The following ROCK2 variants were observed in gnomAD, a reference collection of about 807,000 sequenced individuals.
ROCK2 encodes rho-associated protein kinase 2.
ROCK2 carries 61 observed loss-of-function variants against 195.1 expected under a neutral mutation model. The observed-to-expected ratio is 0.31, with a 90% CI of 0.25 to 0.39. The LOEUF is 0.39. Ranked by LOEUF, ROCK2 falls within the 10% of genes least tolerant of loss-of-function variation. The probability of loss-of-function intolerance (pLI) is 1.00; values close to 1 mark genes in which losing one functional copy is unlikely to be tolerated. For synonymous variants in ROCK2, 504 were observed against 545.5 expected, an observed-to-expected ratio of 0.92 and a Z score of 1.06; for missense variants, 1,109 against 1,637.4, an observed-to-expected ratio of 0.68 and a Z score of 5.57.
chr2:11,297,128 T>A (rs1667559384), intron 1 of ROCK2, among the ~76,000 whole-genome samples: 1 of 152,126 alleles, frequency 6.6e-6, no homozygotes, highest in Non-Finnish European at 1.5e-5. Context: ...AAAGTTATAT[T>A]AACCAATCAT....
At chr2:11,317,593 TATATATATA>T (rs1227026153) in intron 1 of ROCK2, among the ~76,000 whole-genome samples, 4 of 14,502 alleles carry the variant, frequency 2.8e-4, no homozygotes, top group East Asian at 0.011. Context: ...TATATATATA[TATATATATA>T]TATATATATA....
intron 1 of ROCK2, among the ~76,000 whole-genome samples, chr2:11,325,737 T>C (rs1379398036): frequency 1.3e-5 from 2 of 152,198 alleles, no homozygotes; most frequent in Admixed American, 6.5e-5. Context: ...ATTTCATAAT[T>C]AGTCTGGCTG....
At chr2:11,333,720 T>C (rs1375335025) in intron 1 of ROCK2, among the ~76,000 whole-genome samples, 1 of 152,176 alleles carries the variant, frequency 6.6e-6, no homozygotes, top group Non-Finnish European at 1.5e-5. Context: ...TTACTATTAA[T>C]AACAGCCAAT....
At chr2:11,276,491 A>C (rs1308927620) in intron 3 of ROCK2, among the ~76,000 whole-genome samples, 2 of 152,232 alleles carry the variant, frequency 1.3e-5, no homozygotes, top group Non-Finnish European at 2.9e-5. Context: ...AAAAACTACA[A>C]AACACTGCTA....
At chr2:11,345,027 C>G (rs1669257549), upstream of ROCK2, among the ~76,000 whole-genome samples, 1 of 151,482 alleles carries the variant, frequency 6.6e-6, no homozygotes, top group Non-Finnish European at 1.5e-5. Context: ...GGAGCCCGGC[C>G]GCGCCCCCCG....
intron 1 of ROCK2, chr2:11,308,584 T>C (rs776807297): frequency 1.6e-4 from 243 of 1,495,792 alleles, no homozygotes; most frequent in Non-Finnish European, 2.2e-4. Flanking sequence ...TCAATCCCTA[T>C]ATTACAGTTA....
chr2:11,255,911 A>C (rs1277811707), intron 3 of ROCK2, among the ~76,000 whole-genome samples: 1 of 129,726 alleles, frequency 7.7e-6, no homozygotes, highest in African/African-American at 3.1e-5. Context: ...TCTGGATGAG[A>C]GAGTATGACT....
chr2:11,335,108 TACACACACACAC>T (rs59721285), intron 1 of ROCK2, among the ~76,000 whole-genome samples: 26 of 145,126 alleles, frequency 1.8e-4, no homozygotes, highest in Non-Finnish European at 2.4e-4. Context: ...CTTTGACTGA[TACACACACACAC>T]ACACACACAC....
intron 3 of ROCK2, among the ~76,000 whole-genome samples, chr2:11,261,684 G>C (rs1285328587): frequency 6.6e-6 from 1 of 152,118 alleles, no homozygotes; most frequent in Non-Finnish European, 1.5e-5. Context: ...GGGCGTGGTG[G>C]CAGGCACCTG....
chr2:11,185,629 T>C (rs970907586), intron 32 of ROCK2, among the ~76,000 whole-genome samples: 2 of 152,260 alleles, frequency 1.3e-5, no homozygotes, highest in South Asian at 4.1e-4. Context: ...CTCAGGAGGC[T>C]GAGGCAGGAG....
chr2:11,258,581 G>A (rs1447709275), intron 3 of ROCK2, among the ~76,000 whole-genome samples: 1 of 151,314 alleles, frequency 6.6e-6, no homozygotes, highest in African/African-American at 2.5e-5. Flanking sequence ...AGAGCCTATG[G>A]AGTTCAGTTA....
intron 29 of ROCK2, 198 bp downstream of exon 29, chr2:11,194,058 A>C: frequency 2.2e-6 from 1 of 459,972 alleles, no homozygotes; most frequent in East Asian, 3.4e-5. Context: ...TAGTTTCAAA[A>C]AATAATGTAT....
intron 32 of ROCK2, among the ~76,000 whole-genome samples, chr2:11,186,846 A>G (rs1663217260): frequency 6.6e-6 from 1 of 151,986 alleles, no homozygotes; most frequent in Non-Finnish European, 1.5e-5. Context: ...TCCATCCTCC[A>G]TTGTTTGAGA....
chr2:11,338,501 T>C (rs1385995791), intron 1 of ROCK2, among the ~76,000 whole-genome samples: 1 of 152,142 alleles, frequency 6.6e-6, no homozygotes, highest in African/African-American at 2.4e-5. Flanking sequence ...GTAAGTAATC[T>C]AGAGATGACT....
intron 4 of ROCK2, among the ~76,000 whole-genome samples, chr2:11,237,114 T>C (rs1272167744): frequency 2.0e-5 from 3 of 152,194 alleles, no homozygotes; most frequent in Non-Finnish European, 4.4e-5. Flanking sequence ...ATTATACCAT[T>C]GCACTCCAGC....
At position 11,194,258 on chromosome 2, in the gene ROCK2, T is replaced by C. The variant is rs55839233; in HGVS notation, c.3606A>G (p.Ile1202Met). 3.0e-6 allele frequency: 4 copies of C among 1,325,680 alleles called. No homozygotes were observed. In the South Asian group the frequency reaches 6.5e-5, roughly 21 times the overall value. 82.1% of individuals were successfully genotyped at this position (1,325,680 alleles called of 1,614,324 possible). The change falls in exon 29 of 33, where the codon ATA becomes ATG. Residue 1202 changes from isoleucine to methionine, a missense_variant and splice_region_variant. Ile to Met is a conservative substitution (Grantham distance 10). This residue lies in a region of ROCK2 where 221 missense variants were observed against 355.1 expected (regional missense o/e 0.62). Transcript: ENST00000315872. ...EQSNPYMVLDIDKLFHVRPVT... is the reference protein window; with the variant it reads ...EQSNPYMVLDMDKLFHVRPVT... ...AATATTCTAACAAAAACACTTACTC[T>C]ATATCTAAAACCATGTAAGGATTGG...
At chr2:11,260,751 C>T (rs1264729284) in intron 3 of ROCK2, among the ~76,000 whole-genome samples, 1 of 152,118 alleles carries the variant, frequency 6.6e-6, no homozygotes. Context: ...CTAGCATTTA[C>T]ATATGAGATA....
intron 4 of ROCK2, among the ~76,000 whole-genome samples, chr2:11,241,146 T>C (rs1273289287): frequency 6.6e-6 from 1 of 152,168 alleles, no homozygotes; most frequent in Non-Finnish European, 1.5e-5. Flanking sequence ...TCAAAAGGAA[T>C]GAAATATTGA....
At chr2:11,297,047 A>T (rs181479124) in intron 1 of ROCK2, among the ~76,000 whole-genome samples, 4 of 152,278 alleles carry the variant, frequency 2.6e-5, no homozygotes, top group Non-Finnish European at 5.9e-5. Context: ...CATTATTTAT[A>T]ATAGCAAGAA....
Sources: gnomAD v4.1 joint callset for allele counts (sites outside exome capture counted in the v4.1 genomes callset) on GRCh38, gnomAD v4.1.1 for gene constraint, gnomAD v4.1.1 regional missense constraint, MANE v1.5 for transcripts, NCBI Gene and HGNC (gene_info 2026-07-23, HGNC 2026-07-21) for gene names.